The following PTPRD variants were observed in gnomAD, a reference collection of about 807,000 sequenced individuals.
The protein encoded by PTPRD is protein tyrosine phosphatase receptor type D, also known as receptor-type tyrosine-protein phosphatase delta.
PTPRD carries 34 observed loss-of-function variants against 214.5 expected under a neutral mutation model. The ratio of observed to expected loss-of-function variants is 0.16; its 90% CI spans 0.12 to 0.21. The LOEUF (loss-of-function observed/expected upper bound fraction) is 0.21, where lower values mean the gene tolerates loss of function less well. PTPRD is among the 10% of genes least tolerant of loss of function. The probability of loss-of-function intolerance (pLI) is 1.00; values close to 1 mark genes in which losing one functional copy is unlikely to be tolerated. For missense variants in PTPRD, 2,545 were observed against 2,398.7 expected, an observed-to-expected ratio of 1.06 and a Z score of -1.27; for synonymous variants, 1,128 against 845.7, an observed-to-expected ratio of 1.33 and a Z score of -5.79.
At chr9:9,211,515 G>GCA (rs36213005) in intron 9 of PTPRD, among the ~76,000 whole-genome samples, 2,493 of 143,558 alleles carry the variant, frequency 0.017, 24 homozygotes, top group East Asian at 0.028. Flanking sequence ...GTGTGCGCAC[G>GCA]CACACACACA....
At chr9:8,878,667 A>G (rs1412444533) in intron 11 of PTPRD, among the ~76,000 whole-genome samples, 2 of 152,154 alleles carry the variant, frequency 1.3e-5, no homozygotes, top group Non-Finnish European at 2.9e-5. Context: ...AGCTGGAATT[A>G]CAGGCACATG....
At chr9:9,912,451 C>T (rs902648708) in intron 5 of PTPRD, among the ~76,000 whole-genome samples, 1 of 152,184 alleles carries the variant, frequency 6.6e-6, no homozygotes, top group African/African-American at 2.4e-5. Flanking sequence ...GACTCCTCAG[C>T]ATAAAATAAT....
chr9:8,435,132 C>T lies in PTPRD; in HGVS notation c.4086+1460G>A, dbSNP rs1321150527. ...AAACTGAATGAAACGTGGTCTGGCT[C>T]TTGAGGGTGGAGGTGAATGAGACTA... On this transcript the variant is annotated intron_variant, in intron 35 of 45. Coordinates refer to ENST00000381196, the MANE Select transcript of PTPRD (RefSeq NM_002839.4). 2.0e-5 allele frequency among the ~76,000 whole-genome samples: 3 copies of T among 152,172 alleles called. No homozygotes were observed. In the East Asian group the frequency reaches 5.8e-4, roughly 29 times the overall value.
intron 11 of PTPRD, among the ~76,000 whole-genome samples, chr9:8,789,177 G>A (rs1193057315): frequency 1.3e-5 from 2 of 152,002 alleles, no homozygotes; most frequent in African/African-American, 4.8e-5. Flanking sequence ...AAGGCACCCC[G>A]AGACACAGAT....
At chr9:9,521,066 C>A (rs775213155) in intron 8 of PTPRD, among the ~76,000 whole-genome samples, 10 of 152,058 alleles carry the variant, frequency 6.6e-5, no homozygotes, top group Non-Finnish European at 1.3e-4. Context: ...GTAATCAAAG[C>A]CCCTAATCTT....
chr9:8,868,865 A>C (rs1158600538), intron 11 of PTPRD, among the ~76,000 whole-genome samples: 1 of 152,152 alleles, frequency 6.6e-6, no homozygotes, highest in East Asian at 1.9e-4. Context: ...AGGTATGTGA[A>C]CTATGCACTA....
intron 9 of PTPRD, among the ~76,000 whole-genome samples, chr9:9,229,774 G>C (rs1171184255): frequency 1.3e-5 from 2 of 152,190 alleles, no homozygotes; most frequent in African/African-American, 2.4e-5. Flanking sequence ...TGCCAACAAG[G>C]CTATAGAATT....
chr9:9,865,895 T>C (rs2063828131), intron 5 of PTPRD, among the ~76,000 whole-genome samples: 1 of 152,200 alleles, frequency 6.6e-6, no homozygotes, highest in Non-Finnish European at 1.5e-5. Context: ...TGTAAGAATC[T>C]GTAATGGCTT....
chr9:10,197,378 T>C (rs145574279), intron 3 of PTPRD, among the ~76,000 whole-genome samples: 1 of 152,254 alleles, frequency 6.6e-6, no homozygotes, highest in East Asian at 1.9e-4. Context: ...TCCAACAGAA[T>C]AGAAATGTGA....
chr9:9,969,517 T>C (rs542500323), intron 4 of PTPRD, among the ~76,000 whole-genome samples: 1 of 152,326 alleles, frequency 6.6e-6, no homozygotes, highest in South Asian at 2.1e-4. Context: ...GAGTTTCAAG[T>C]CTTGGAAGCA....
chr9:8,987,762 G>C (rs559325211), intron 11 of PTPRD, among the ~76,000 whole-genome samples: 47 of 152,202 alleles, frequency 3.1e-4, no homozygotes, highest in Admixed American at 1.0e-3. Flanking sequence ...GTGCAACAGA[G>C]AGAAGTTGAA....
At chr9:9,606,965 TAAAAAAAAAAAAA>T (rs754610072) in intron 7 of PTPRD, among the ~76,000 whole-genome samples, 31 of 27,488 alleles carry the variant, frequency 1.1e-3, no homozygotes, top group African/African-American at 2.2e-3. Flanking sequence ...TCAGCACTGC[TAAAAAAAAAAAAA>T]AAAAAAAAAA....
At chr9:8,786,209 G>A (rs566877582) in intron 11 of PTPRD, among the ~76,000 whole-genome samples, 2 of 152,198 alleles carry the variant, frequency 1.3e-5, no homozygotes, top group South Asian at 4.2e-4. Flanking sequence ...AGAGATAATT[G>A]AACTTGTTCC....
At chr9:10,001,711 A>T (rs2096321546) in intron 4 of PTPRD, among the ~76,000 whole-genome samples, 1 of 152,142 alleles carries the variant, frequency 6.6e-6, no homozygotes, top group African/African-American at 2.4e-5. Context: ...CATAAAATTA[A>T]TTAATGTAAC....
chr9:9,851,926 G>C (rs901688509), intron 5 of PTPRD, among the ~76,000 whole-genome samples: 2 of 152,134 alleles, frequency 1.3e-5, no homozygotes, highest in Non-Finnish European at 2.9e-5. Flanking sequence ...CAAAGTCTAT[G>C]AGCTATTTAT....
At chr9:8,832,899 C>T (rs566441978) in intron 11 of PTPRD, among the ~76,000 whole-genome samples, 2 of 152,018 alleles carry the variant, frequency 1.3e-5, no homozygotes, top group Admixed American at 1.3e-4. Context: ...GAAATGAAAA[C>T]AAATGCAACC....
intron 7 of PTPRD, among the ~76,000 whole-genome samples, chr9:9,606,778 G>A (rs981600945): frequency 6.6e-6 from 1 of 151,538 alleles, no homozygotes; most frequent in African/African-American, 2.4e-5. Context: ...GTAGATAGAG[G>A]TGGACAAATA....
At chr9:10,231,756 G>T (rs910807879) in intron 3 of PTPRD, among the ~76,000 whole-genome samples, 1 of 151,844 alleles carries the variant, frequency 6.6e-6, no homozygotes, top group African/African-American at 2.4e-5. Context: ...TTCTGCTGTG[G>T]TTTGGATATG....
chr9:9,553,993 T>G (rs1430708047), intron 8 of PTPRD, among the ~76,000 whole-genome samples: 1 of 152,006 alleles, frequency 6.6e-6, no homozygotes, highest in East Asian at 1.9e-4. Flanking sequence ...AGCAATGAGT[T>G]GGACAATGAT....
Sources: gnomAD v4.1 joint callset for allele counts (sites outside exome capture counted in the v4.1 genomes callset) on GRCh38, gnomAD v4.1.1 for gene constraint, MANE v1.5 for transcripts, NCBI Gene and HGNC (gene_info 2026-07-23, HGNC 2026-07-21) for gene names.